ARID1A: variants seen among roughly 807,000 people sequenced by gnomAD.
The protein encoded by ARID1A is AT-rich interaction domain 1A.
Under a neutral mutation model 212.6 loss-of-function variants are expected in ARID1A, and 20 were observed. The ratio of observed to expected loss-of-function variants is 0.09; its 90% CI spans 0.07 to 0.14. The LOEUF is 0.14. Ranked by LOEUF, ARID1A falls within the 10% of genes least tolerant of loss-of-function variation. The probability of loss-of-function intolerance (pLI) is 1.00; values close to 1 mark genes in which losing one functional copy is unlikely to be tolerated. For synonymous variants in ARID1A, 1,376 were observed against 1,222.1 expected (o/e 1.13, Z -2.63); for missense variants, 2,587 against 3,059.0 (o/e 0.85, Z 3.64).
chr1:26,761,125 AG>A, intron 5 of ARID1A, 29 bp downstream of exon 5: 1 of 1,607,728 alleles, frequency 6.2e-7, no homozygotes, highest in Non-Finnish European at 8.5e-7. Flanking sequence ...CTTTAGGGAG[AG>A]GGAAAGGTGA....
rs2080276094 is a variant in ARID1A at position 26,697,189 on chromosome 1, GTCT to G, written c.789_791del (p.Ser265del). 1 of 1,426,556 alleles carries G rather than the reference GTCT, an allele frequency of 7.0e-7. No homozygotes were observed. Among genetic ancestry groups the G allele is most frequent in the South Asian group, 1.5e-5 (1 of 65,870 alleles). The allele number at this position is 1,426,556 out of a possible 1,614,324, so 88.4% of individuals were successfully genotyped here. A position where few individuals can be genotyped will look rare whatever the true frequency, so the allele number is the denominator to read the frequency against. The stretch of plus-strand genomic sequence containing the variant: ...CCTCCAGCGCCTCCGCCTCCTCGTC[GTCT>G]TCGTCCTTCGCTCAGCAGCGCTTCG... On this transcript the variant is annotated inframe_deletion, in exon 1 of 20. Coordinates refer to ENST00000324856, the MANE Select transcript of ARID1A (RefSeq NM_006015.6).
chr1:26,760,885 C>T lies in ARID1A; in HGVS notation c.1950C>T (p.Pro650=), dbSNP rs1293355617. The change falls in exon 5 of 20, where the codon CCC becomes CCT. Residue 650 remains proline, a synonymous_variant. Transcript: ENST00000324856. The part of the protein sequence containing the change: ...PDLSGSIDDL[P]MGTEGALSPG... ...TATCTGGTTCAATAGATGACCTCCC[C>T]ATGGGGACAGAAGGAGCTCTGAGTC... 6.2e-7 allele frequency: 1 copy of T among 1,613,866 alleles called. No homozygotes were observed. Among genetic ancestry groups the T allele is most frequent in the East Asian group, 2.2e-5 (1 of 44,882 alleles).
At chr1:26,748,472 A>G (rs1423149293) in intron 4 of ARID1A, among the ~76,000 whole-genome samples, 2 of 152,104 alleles carry the variant, frequency 1.3e-5, no homozygotes, top group African/African-American at 4.8e-5. Context: ...GCTTTGAGAA[A>G]GTAGGGGGTT....
intron 4 of ARID1A, among the ~76,000 whole-genome samples, chr1:26,742,695 G>T (rs2080799437): frequency 6.6e-6 from 1 of 152,184 alleles, no homozygotes; most frequent in Non-Finnish European, 1.5e-5. Flanking sequence ...GGTAGGCCAG[G>T]CACGGTGGCT....
In ARID1A at chr1:26,773,352, G is replaced by C. The variant is rs765258234; in HGVS notation, c.3722G>C (p.Gly1241Ala). 1 of 1,587,210 alleles carries C rather than the reference G, an allele frequency of 6.3e-7. No homozygotes were observed. Among genetic ancestry groups the C allele is most frequent in the Non-Finnish European group, 8.6e-7 (1 of 1,168,198 alleles). The change falls in exon 15 of 20, where the codon GGG (glycine) becomes GCG (alanine). Residue 1241 changes from glycine to alanine, a missense_variant. Physicochemically the swap from Gly to Ala is moderately conservative, Grantham distance 60. Around this residue, in one of 11 missense-constraint regions of ARID1A, gnomAD observed 890 missense variants for 1,098.2 expected, o/e 0.81. Transcript: ENST00000324856. ...DPYGSMRKAP[G>A]SDPFMSSGQG... ...CTTGCCTTTCTACGCTCAGCTCCAGGGAGTGATCCCTTCATGTCCTCAGGG... is the reference window on the plus strand; with the variant it reads ...CTTGCCTTTCTACGCTCAGCTCCAGCGAGTGATCCCTTCATGTCCTCAGGG...
In ARID1A at chr1:26,773,348, C is replaced by G. The variant is rs754281907; in HGVS notation, c.3718C>G (p.Pro1240Ala). The G allele has an allele frequency of 1.3e-6, 2 of 1,583,882 alleles. No individual in the cohort carries two copies. The highest frequency in any genetic ancestry group is 1.7e-6 in the Non-Finnish European group (2 of 1,166,538). Residue 1240 changes from proline to alanine, a missense_variant and splice_region_variant, in exon 15 of 20, where the codon CCA becomes GCA. Pro to Ala is a conservative substitution (Grantham distance 27, BLOSUM62 -1). Transcript: ENST00000324856. ...KDPYGSMRKA[P>A]GSDPFMSSGQ... ...ACCGCTTGCCTTTCTACGCTCAGCT[C>G]CAGGGAGTGATCCCTTCATGTCCTC...
chr1:26,732,627 C>A, intron 3 of ARID1A, 49 bp from the exon 4 acceptor site: 1 of 1,448,748 alleles, frequency 6.9e-7, no homozygotes, highest in East Asian at 2.3e-5. Context: ...GTAAGCCTGC[C>A]TGGTTTATCA....
chr1:26,763,971 A>ATATT (rs1255009761), intron 8 of ARID1A, among the ~76,000 whole-genome samples: 8 of 151,462 alleles, frequency 5.3e-5, no homozygotes, highest in East Asian at 1.9e-4. Flanking sequence ...TTTATTTTTT[A>ATATT]TATTTATTTA....
At chr1:26,754,519 A>C (rs911821199) in intron 4 of ARID1A, among the ~76,000 whole-genome samples, 1 of 152,136 alleles carries the variant, frequency 6.6e-6, no homozygotes, top group Non-Finnish European at 1.5e-5. Context: ...CATATGCCCC[A>C]GGGGTGTCAT....
rs1233160445 is a variant in ARID1A, at chr1:26,696,319, G to T, written c.-85G>T. 12 of 1,198,794 alleles carry T rather than the reference G, an allele frequency of 1.0e-5. No homozygotes were observed. Among genetic ancestry groups the T allele is most frequent in the African/African-American group, 6.4e-5 (4 of 62,244 alleles). The allele number at this position is 1,198,794 out of a possible 1,614,324, so 74.3% of individuals were successfully genotyped here. A position where few individuals can be genotyped will look rare whatever the true frequency, so the allele number is the denominator to read the frequency against. On this transcript the variant is annotated 5_prime_UTR_variant, in exon 1 of 20. Coordinates refer to ENST00000324856, the MANE Select transcript of ARID1A (RefSeq NM_006015.6). ...CCGGGCGGGTGGGGAGGGCAGCCCG[G>T]GGGACTGGGCCCCGGGGCGGGGTGG...
intron 4 of ARID1A, among the ~76,000 whole-genome samples, chr1:26,735,144 A>G (rs1455989009): frequency 4.8e-4 from 66 of 136,354 alleles, no homozygotes; most frequent in Admixed American, 7.7e-4. Flanking sequence ...TTGGGGGGAG[A>G]GAGAGTTTCA....
chr1:26,757,455 G>A (rs1375129499), intron 4 of ARID1A, among the ~76,000 whole-genome samples: 1 of 148,178 alleles, frequency 6.7e-6, no homozygotes, highest in African/African-American at 2.5e-5. Flanking sequence ...GGGCAACAGA[G>A]TGAGACTCCG....
intron 4 of ARID1A, among the ~76,000 whole-genome samples, chr1:26,753,640 T>C (rs2080903762): frequency 6.6e-6 from 1 of 152,220 alleles, no homozygotes; most frequent in Admixed American, 6.5e-5. Flanking sequence ...GGTAGGGCAC[T>C]GAGTGGGCTG....
chr1:26,733,346 T>C (rs1330252116), intron 4 of ARID1A, among the ~76,000 whole-genome samples: 1 of 152,104 alleles, frequency 6.6e-6, no homozygotes. Flanking sequence ...ACTGACCATA[T>C]CCTGAGACAG....
At position 26,774,859 on chromosome 1, in the gene ARID1A, G is replaced by T. The variant is rs146171057; in HGVS notation, c.4632G>T (p.Ser1544=). The change falls in exon 18 of 20, where the codon TCG becomes TCT. Residue 1544 remains serine (S), a synonymous_variant. Coordinates refer to ENST00000324856, the MANE Select transcript of ARID1A (RefSeq NM_006015.6). The surrounding 1 kb of genome is among the most constrained non-coding windows in gnomAD (Gnocchi z 5.6). ...HTDQRANHEG[S]WPSHGTRQPP... is the part of the protein sequence containing the mutation. Reference sequence around the variant, plus strand: ...ATCAGAGGGCCAACCACGAAGGCTCGTGGCCTTCCCATGGCACACGCCAGC... The same window carrying T: ...ATCAGAGGGCCAACCACGAAGGCTCTTGGCCTTCCCATGGCACACGCCAGC... 3 of 1,604,964 alleles carry T rather than the reference G, an allele frequency of 1.9e-6. No homozygotes were observed. Among genetic ancestry groups the T allele is most frequent in the Non-Finnish European group, 2.6e-6 (3 of 1,174,276 alleles).
At chr1:26,769,424 T>G (rs746917704) in intron 11 of ARID1A, 33 of 152,248 alleles carry the variant, frequency 2.2e-4, no homozygotes, top group Non-Finnish European at 4.4e-4. Flanking sequence ...AAGCTGAATC[T>G]TGAGCTTATC....
In ARID1A at chr1:26,731,449, C is replaced by A. The variant is rs776630495; in HGVS notation, c.1648C>A (p.Pro550Thr). The stretch of plus-strand genomic sequence containing the variant: ...ACAGCAGCACCCCCAGAGCCAGCCC[C>A]CCTACTCACAGCCACAGGCTCAGTC... ...TTQQHPQSQP[P>T]YSQPQAQSPY... Residue 550 changes from proline (P) to threonine (T), a missense_variant, in exon 3 of 20, where the codon CCC becomes ACC. Pro to Thr is a conservative substitution (Grantham distance 38). Around this residue, in one of 11 missense-constraint regions of ARID1A, gnomAD observed 674 missense variants for 813.4 expected, o/e 0.83. Coordinates refer to ENST00000324856, the MANE Select transcript of ARID1A (RefSeq NM_006015.6). 6.2e-7 allele frequency: 1 copy of A among 1,614,032 alleles called. No homozygotes were observed. Among genetic ancestry groups the A allele is most frequent in the South Asian group, 1.1e-5 (1 of 91,076 alleles).
Position 26,696,921 on chromosome 1 carries a change from A to G in ARID1A, c.518A>G (p.His173Arg), listed in dbSNP as rs1413894127. The G allele has an allele frequency of 1.4e-6, 2 of 1,419,292 alleles. No homozygotes were observed. Among genetic ancestry groups the G allele is most frequent in the Non-Finnish European group, 1.8e-6 (2 of 1,091,056 alleles). 87.9% of individuals were successfully genotyped at this position (1,419,292 alleles called of 1,614,324 possible). ...GCGGCCGCCGTCTTCCACCAACAACATGGCGGACAACAAAGCCCTGGCCTG... is the reference window on the plus strand; with the variant it reads ...GCGGCCGCCGTCTTCCACCAACAACGTGGCGGACAACAAAGCCCTGGCCTG... ...AAAAAVFHQQ[H>R]GGQQSPGLAA... Residue 173 changes from histidine (H) to arginine (R), a missense_variant, in exon 1 of 20, where the codon CAT becomes CGT. His to Arg is a conservative substitution (Grantham distance 29). This residue lies in a region of ARID1A where 735 missense variants were observed against 590.6 expected (regional missense o/e 1.24). Transcript: ENST00000324856.
rs763151089 is a variant in ARID1A, at chr1:26,773,446, G to A, written c.3816G>A (p.Ala1272=). Residue 1272 remains alanine (A), a synonymous_variant, in exon 15 of 20, where the codon GCG becomes GCA. Transcript: ENST00000324856. ...RAAGPGLGNV[A]MGPRQHYPYG... is the part of the protein sequence containing the mutation. ...CCGGCCCTGGGCTAGGAAATGTGGCGATGGGACCACGACAGCACTATCCCT... is the reference window on the plus strand; with the variant it reads ...CCGGCCCTGGGCTAGGAAATGTGGCAATGGGACCACGACAGCACTATCCCT... 22 of 1,613,610 alleles carry A rather than the reference G, an allele frequency of 1.4e-5. No individual in the cohort carries two copies. The African/African-American group carries it at 1.7e-4, about 13-fold the overall frequency.
Sources: gnomAD v4.1 joint callset for allele counts (sites outside exome capture counted in the v4.1 genomes callset) on GRCh38, gnomAD v4.1.1 for gene constraint, gnomAD v4.1.1 regional missense constraint, Gnocchi (gnomAD v3.1) non-coding constraint, MANE v1.5 for transcripts, NCBI Gene and HGNC (gene_info 2026-07-23, HGNC 2026-07-21) for gene names.